Variants in DPEP2 observed in about 807,000 individuals in gnomAD.
DPEP2 encodes dipeptidase 2.
Under a neutral mutation model 51.8 loss-of-function variants are expected in DPEP2, and 45 were observed. That is an observed-to-expected ratio of 0.87 (90% CI 0.68 to 1.11). DPEP2 has a LOEUF of 1.11. DPEP2 is among the 50% of genes most tolerant of loss of function. The probability of loss-of-function intolerance (pLI) is 0.00; values close to 1 mark genes in which losing one functional copy is unlikely to be tolerated. For missense variants in DPEP2, 604 were observed against 631.9 expected (o/e 0.96, Z 0.47); for synonymous variants, 255 against 262.7 (o/e 0.97, Z 0.28).
At chr16:68,000,094 T>G (rs2032937334), upstream of DPEP2, among the ~76,000 whole-genome samples, 1 of 152,186 alleles carries the variant, frequency 6.6e-6, no homozygotes, top group Admixed American at 6.6e-5. Flanking sequence ...ACCTCAGTGA[T>G]GCTACGTCCC....
At chr16:67,993,756 G>C in intron 1 of DPEP2, 1 of 985,980 alleles carries the variant, frequency 1.0e-6, no homozygotes. Flanking sequence ...ATTTCCTGGT[G>C]CTGGGTTGTG....
chr16:67,998,172 C>G (rs1041067728), intron 1 of DPEP2, among the ~76,000 whole-genome samples: 3 of 152,214 alleles, frequency 2.0e-5, no homozygotes, highest in Non-Finnish European at 4.4e-5. Flanking sequence ...CTGGGCTGGC[C>G]AAGGCCAGAG....
upstream of DPEP2, among the ~76,000 whole-genome samples, chr16:67,999,957 G>A (rs981191766): frequency 6.6e-6 from 1 of 152,104 alleles, no homozygotes; most frequent in Non-Finnish European, 1.5e-5. Context: ...AAGTTCTTCC[G>A]TGGCTTCTCA....
chr16:67,996,692 A>G (rs1226858800), intron 1 of DPEP2, among the ~76,000 whole-genome samples: 1 of 150,240 alleles, frequency 6.7e-6, no homozygotes, highest in East Asian at 1.9e-4. Flanking sequence ...AACTTTTTGC[A>G]TTTTTTTTTA....
upstream of DPEP2, chr16:68,000,541 G>T: frequency 2.1e-6 from 2 of 959,374 alleles, no homozygotes; most frequent in Non-Finnish European, 2.5e-6. Context: ...CCCTGGATCT[G>T]CTCCCATGAT....
At position 67,989,336 on chromosome 16, in the gene DPEP2, C is replaced by A; in HGVS notation, c.1057G>T (p.Asp353Tyr). The change falls in exon 9 of 11, where the codon GAT (aspartate) becomes TAT (tyrosine). Residue 353 changes from aspartate to tyrosine, a missense_variant. Transcript: ENST00000393847. ...GAAGGCACTCACTTGCCGGCCCCAT[C>A]ATAATCTCCACCAATCCCGATGAAC... ...SKFIGIGGDY[D>Y]GAGKFPQGLE... The A allele has an allele frequency of 6.2e-7, 1 of 1,614,194 alleles. No homozygotes were observed. The highest frequency in any genetic ancestry group is 8.5e-7 in the Non-Finnish European group (1 of 1,180,026).
intron 1 of DPEP2, among the ~76,000 whole-genome samples, chr16:67,996,223 G>A (rs2032687573): frequency 1.4e-5 from 2 of 147,822 alleles, no homozygotes; most frequent in Non-Finnish European, 3.0e-5. Flanking sequence ...TTTTTTTAGA[G>A]ACAGGGTCTC....
At chr16:67,993,773 G>T in intron 1 of DPEP2, 1 of 985,754 alleles carries the variant, frequency 1.0e-6, no homozygotes, top group Non-Finnish European at 1.2e-6. Flanking sequence ...TGTGTGGGTG[G>T]GTGTGGGGGA....
rs543977017 is a variant in DPEP2 at position 67,991,505 on chromosome 16, G to T, written c.663-321C>A. The T allele has an allele frequency of 3.9e-6, 2 of 517,060 alleles. No homozygotes were observed. Among genetic ancestry groups the T allele is most frequent in the African/African-American group, 3.8e-5 (2 of 52,570 alleles). The allele number at this position is 517,060 out of a possible 1,614,324, so 32.0% of individuals were successfully genotyped here. On this transcript the variant is annotated intron_variant, in intron 5 of 10. Transcript: ENST00000393847. The surrounding 1 kb of genome is among the most constrained non-coding windows in gnomAD (Gnocchi z 5.1). ...AGATTCTCATGCCTCAGCCTCCTGA[G>T]TATCTGGGATTATAGGCACGCACCA...
Position 67,987,616 on chromosome 16 carries a change from G to A in DPEP2, c.1351C>T (p.His451Tyr), listed in dbSNP as rs772202768. Residue 451 changes from histidine (H) to tyrosine (Y), a missense_variant, in exon 11 of 11, where the codon CAC (histidine) becomes TAC (tyrosine). Physicochemically the swap from His to Tyr is moderately conservative, Grantham distance 83. Coordinates refer to ENST00000393847, the MANE Select transcript of DPEP2 (RefSeq NM_022355.4). ...SGQELTEIPI[H>Y]WTAKLPAKWS... ...TTGGCTGGTAACTTGGCTGTCCAGTGTATGGGAATCTCAGTGAGTTCCTGG... is the reference window on the plus strand; with the variant it reads ...TTGGCTGGTAACTTGGCTGTCCAGTATATGGGAATCTCAGTGAGTTCCTGG... 4.3e-6 allele frequency: 7 copies of A among 1,614,202 alleles called. No individual in the cohort carries two copies. The highest frequency in any genetic ancestry group is 4.5e-5 in the East Asian group (2 of 44,890).
rs1300362774 is a variant in DPEP2, at chr16:67,993,128, G to C, written c.85C>G (p.Pro29Ala). The change falls in exon 2 of 11, where the codon CCT (proline) becomes GCT (alanine). Residue 29 changes from proline (P) to alanine (A), a missense_variant. By Grantham distance (27) the Pro-to-Ala change is conservative. Transcript: ENST00000393847. ...GGCGTGGTGTAGGCACAGGTTACAG[G>C]CTGGAGCAGCAGCAGCAGGAGCAGC... is the stretch of plus-strand genomic sequence containing the variant. The part of the protein sequence containing the change: ...SLLLLLLLLQ[P>A]VTCAYTTPGP... 1 of 1,549,186 alleles carries C rather than the reference G, an allele frequency of 6.5e-7. No individual in the cohort carries two copies. The highest frequency in any genetic ancestry group is 2.4e-5 in the East Asian group (1 of 42,068).
chr16:67,992,350 C>T (rs1248164028), intron 3 of DPEP2, among the ~76,000 whole-genome samples, 157 bp from the exon 4 acceptor site: 1 of 152,200 alleles, frequency 6.6e-6, no homozygotes, highest in Non-Finnish European at 1.5e-5. Flanking sequence ...CAAGCTGGCT[C>T]ACTGTAGCCT....
At chr16:67,995,061 C>T (rs752515853) in intron 1 of DPEP2, 4 of 213,512 alleles carry the variant, frequency 1.9e-5, no homozygotes, top group Non-Finnish European at 2.4e-5. Flanking sequence ...CCACCACGCC[C>T]GGCTAAATTT....
Position 67,987,541 on chromosome 16 carries a change from C to T in DPEP2, c.1426G>A (p.Val476Met), listed in dbSNP as rs1716189224. The T allele has an allele frequency of 6.2e-7, 1 of 1,614,082 alleles. No individual in the cohort carries two copies. The highest frequency in any genetic ancestry group is 1.1e-5 in the South Asian group (1 of 91,080). Residue 476 changes from valine (V) to methionine (M), a missense_variant, in exon 11 of 11, where the codon GTG becomes ATG. Coordinates refer to ENST00000393847, the MANE Select transcript of DPEP2 (RefSeq NM_022355.4). The part of the protein sequence containing the change: ...SPHMAPVLAV[V>M]ATFPVLILWL ...AGAATAAGGACTGGGAAGGTGGCCA[C>T]AACTGCAAGGACTGGGGCCATGTGG...
At chr16:67,990,335 G>A (rs1236082345) in intron 7 of DPEP2, among the ~76,000 whole-genome samples, 1 of 152,182 alleles carries the variant, frequency 6.6e-6, no homozygotes, top group East Asian at 1.9e-4. Flanking sequence ...AGGAGTAGAG[G>A]AATATACATA....
intron 1 of DPEP2, chr16:67,994,169 AGCTTCTGGCTGATCT>A (rs2032522364): frequency 1.0e-6 from 1 of 985,322 alleles, no homozygotes; most frequent in Non-Finnish European, 1.2e-6. Flanking sequence ...TTCCTCCTAG[AGCTTCTGGCTGATCT>A]GCTGGCCAGG....
chr16:67,996,341 A>C (rs2032695139), intron 1 of DPEP2, among the ~76,000 whole-genome samples: 1 of 151,770 alleles, frequency 6.6e-6, no homozygotes, highest in South Asian at 2.1e-4. Context: ...GTAGGTGAGG[A>C]GAATTCAACT....
In DPEP2 at chr16:67,992,962, G is replaced by A. The variant is rs1248948278; in HGVS notation, c.251C>T (p.Pro84Leu). Residue 84 changes from proline to leucine, a missense_variant, in exon 2 of 11, where the codon CCG (proline) becomes CTG (leucine). Transcript: ENST00000393847. ...EQARALMRDF[P>L]LVDGHNDLPL... is the part of the protein sequence containing the mutation. The stretch of plus-strand genomic sequence containing the variant: ...AGCAATTACGCACCCGTCCACGAGC[G>A]GGAAGTCCCGCATCAGGGCCCGTGC... The A allele has an allele frequency of 4.3e-6, 7 of 1,611,130 alleles. No individual in the cohort carries two copies. The South Asian group carries it at 4.4e-5, about 10-fold the overall frequency.
upstream of DPEP2, chr16:68,000,425 G>A (rs1168907135): frequency 7.1e-6 from 7 of 985,154 alleles, no homozygotes; most frequent in Non-Finnish European, 1.2e-6. Flanking sequence ...AGAGCGCAGA[G>A]GTGGGGTGCA....
Sources: gnomAD v4.1 joint callset for allele counts (sites outside exome capture counted in the v4.1 genomes callset) on GRCh38, gnomAD v4.1.1 for gene constraint, Gnocchi (gnomAD v3.1) non-coding constraint, MANE v1.5 for transcripts, NCBI Gene and HGNC (gene_info 2026-07-23, HGNC 2026-07-21) for gene names.